CSMD3: variants seen among roughly 807,000 people sequenced by gnomAD.
The protein encoded by CSMD3 is CUB and Sushi multiple domains 3.
Under a neutral mutation model 435.2 loss-of-function variants are expected in CSMD3, and 177 were observed. The ratio of observed to expected loss-of-function variants is 0.41; its 90% CI spans 0.36 to 0.46. CSMD3 has a LOEUF of 0.46. Among genes scored for constraint, CSMD3 ranks in the 20% least tolerant of loss-of-function variants. The probability of loss-of-function intolerance (pLI) is 0.34; values close to 1 mark genes in which losing one functional copy is unlikely to be tolerated. For missense variants in CSMD3, 4,265 were observed against 4,504.6 expected (o/e 0.95, Z 1.52); for synonymous variants, 1,656 against 1,520.5 (o/e 1.09, Z -2.07).
intron 4 of CSMD3, among the ~76,000 whole-genome samples, chr8:113,140,487 C>A: frequency 6.6e-6 from 1 of 150,680 alleles, no homozygotes; most frequent in African/African-American, 2.4e-5. Flanking sequence ...GAAACATATG[C>A]CAAGGTAGAT....
chr8:113,043,748 G>T (rs1243326045), intron 5 of CSMD3, among the ~76,000 whole-genome samples: 3 of 151,850 alleles, frequency 2.0e-5, no homozygotes, highest in African/African-American at 7.3e-5. Context: ...TAGTAATTTT[G>T]TATCTAATAA....
intron 32 of CSMD3, among the ~76,000 whole-genome samples, chr8:112,468,415 T>A (rs927886338): frequency 6.6e-6 from 1 of 152,032 alleles, no homozygotes; most frequent in African/African-American, 2.4e-5. Flanking sequence ...TGTCATCCTA[T>A]ATATTTATGT....
At chr8:113,379,608 G>A (rs2094406310) in intron 1 of CSMD3, among the ~76,000 whole-genome samples, 1 of 152,058 alleles carries the variant, frequency 6.6e-6, no homozygotes, top group African/African-American at 2.4e-5. Flanking sequence ...TAGAAAGAAA[G>A]TGGCTATAAA....
intron 4 of CSMD3, among the ~76,000 whole-genome samples, chr8:113,106,131 T>C (rs1207143459): frequency 1.3e-5 from 2 of 151,930 alleles, no homozygotes; most frequent in African/African-American, 4.8e-5. Flanking sequence ...TTTTAAAGGA[T>C]TGTAAAAACA....
chr8:112,603,381 G>A (rs1231787794), intron 22 of CSMD3, among the ~76,000 whole-genome samples: 1 of 152,242 alleles, frequency 6.6e-6, no homozygotes, highest in African/African-American at 2.4e-5. Context: ...ATGTGGAGAT[G>A]ACTGATGCTA....
chr8:113,175,021 A>G (rs1435595865), intron 3 of CSMD3, among the ~76,000 whole-genome samples: 2 of 151,816 alleles, frequency 1.3e-5, no homozygotes, highest in Non-Finnish European at 2.9e-5. Context: ...ATATTTTCCC[A>G]TTTTGCTTTG....
intron 3 of CSMD3, among the ~76,000 whole-genome samples, chr8:113,256,439 A>T (rs1190102462): frequency 6.6e-6 from 1 of 152,196 alleles, no homozygotes; most frequent in Non-Finnish European, 1.5e-5. Context: ...TAACTAAAGG[A>T]ATCATTACAA....
chr8:112,426,987 C>T (rs1396692648), intron 32 of CSMD3, among the ~76,000 whole-genome samples: 4 of 152,106 alleles, frequency 2.6e-5, no homozygotes, highest in African/African-American at 4.8e-5. Context: ...TTTGTTTTTA[C>T]CCACAAGTAG....
intron 1 of CSMD3, among the ~76,000 whole-genome samples, chr8:113,403,016 C>A (rs2094516883): frequency 6.6e-6 from 1 of 151,156 alleles, no homozygotes. Flanking sequence ...TACAATTGCA[C>A]CCTCTGAATG....
At chr8:112,335,091 G>T (rs1455211353) in intron 45 of CSMD3, among the ~76,000 whole-genome samples, 1 of 152,100 alleles carries the variant, frequency 6.6e-6, no homozygotes, top group Admixed American at 6.6e-5. Context: ...TTTCCAGTGG[G>T]TAATTACTGA....
At chr8:112,289,566 A>AT (rs767401878) in intron 56 of CSMD3, 28 bp from the exon 57 acceptor site, 40 of 1,457,956 alleles carry the variant, frequency 2.7e-5, no homozygotes, top group Non-Finnish European at 3.5e-5. Flanking sequence ...TAAATATAAA[A>AT]TTTTTTTATA....
In CSMD3 at chr8:112,319,900, C is replaced by T. The variant is rs1326888419; in HGVS notation, c.7246+1G>A. ...CCTTGAAAATAATTTAACAGCTTTA[C>T]CTATTTCAAATTCATCATCTTCCGT... On this transcript the variant is annotated splice_donor_variant, in intron 46 of 70. Transcript: ENST00000297405. LOFTEE classifies it high-confidence loss of function. 1.2e-6 allele frequency: 2 copies of T among 1,602,914 alleles called. No homozygotes were observed. Among genetic ancestry groups the T allele is most frequent in the East Asian group, 2.2e-5 (1 of 44,810 alleles).
chr8:113,326,020 G>GA (rs1443318019), intron 1 of CSMD3, among the ~76,000 whole-genome samples: 2 of 152,028 alleles, frequency 1.3e-5, no homozygotes, highest in African/African-American at 2.4e-5. Context: ...AACTAATTTA[G>GA]AAAAAAGAAG....
chr8:112,244,580 T>C lies in CSMD3; in HGVS notation c.10223-7A>G. 1 of 1,612,724 alleles carries C rather than the reference T, an allele frequency of 6.2e-7. No homozygotes were observed. The highest frequency in any genetic ancestry group is 8.5e-7 in the Non-Finnish European group (1 of 1,178,866). On this transcript the variant is annotated splice_region_variant and splice_polypyrimidine_tract_variant and intron_variant, in intron 64 of 70. Transcript: ENST00000297405. Reference sequence around the variant, plus strand: ...GGCTGTTTACAGCTGTGGGCTATATTAAGAAAAGAGAACAATGTAAATTTT... The same window carrying C: ...GGCTGTTTACAGCTGTGGGCTATATCAAGAAAAGAGAACAATGTAAATTTT...
intron 10 of CSMD3, among the ~76,000 whole-genome samples, chr8:112,887,150 C>T (rs2081624257): frequency 6.6e-6 from 1 of 150,410 alleles, no homozygotes; most frequent in African/African-American, 2.4e-5. Context: ...TTAAAGCTCA[C>T]CTATCATATA....
chr8:112,501,961 C>A (rs532889949), intron 30 of CSMD3, among the ~76,000 whole-genome samples: 134 of 152,016 alleles, frequency 8.8e-4, no homozygotes, highest in Non-Finnish European at 1.5e-3. Flanking sequence ...AATAAAAATA[C>A]AAAATTTGTA....
At chr8:113,289,099 G>A (rs1257168874) in intron 2 of CSMD3, among the ~76,000 whole-genome samples, 1 of 141,868 alleles carries the variant, frequency 7.0e-6, no homozygotes, top group Admixed American at 7.4e-5. Flanking sequence ...TGCCTCTCCT[G>A]ATTCCTCAGT....
At chr8:113,181,034 T>C (rs1214468846) in intron 3 of CSMD3, among the ~76,000 whole-genome samples, 1 of 151,914 alleles carries the variant, frequency 6.6e-6, no homozygotes, top group Non-Finnish European at 1.5e-5. Flanking sequence ...TTATTATTAT[T>C]ATCATTATTT....
chr8:113,065,692 C>A (rs1366340533), intron 5 of CSMD3, among the ~76,000 whole-genome samples: 1 of 152,086 alleles, frequency 6.6e-6, no homozygotes, highest in Admixed American at 6.6e-5. Context: ...CTGGCAAAAA[C>A]AGCCTCATGT....
Sources: gnomAD v4.1 joint callset for allele counts (sites outside exome capture counted in the v4.1 genomes callset) on GRCh38, gnomAD v4.1.1 for gene constraint, MANE v1.5 for transcripts, NCBI Gene and HGNC (gene_info 2026-07-23, HGNC 2026-07-21) for gene names.